STRAP: variants seen among roughly 807,000 people sequenced by gnomAD.
The protein encoded by STRAP is serine/threonine kinase receptor associated protein.
Under a neutral mutation model 47.0 loss-of-function variants are expected in STRAP, and 16 were observed. That is an observed-to-expected ratio of 0.34 (90% CI 0.23 to 0.52). The LOEUF (loss-of-function observed/expected upper bound fraction) is 0.52, where lower values mean the gene tolerates loss of function less well. Ranked by LOEUF, STRAP falls within the 20% of genes least tolerant of loss-of-function variation. The pLI, the probability that STRAP is intolerant of heterozygous loss-of-function variation, is 0.96. For synonymous variants in STRAP, 130 were observed against 142.7 expected (o/e 0.91, Z 0.63); for missense variants, 293 against 420.0 (o/e 0.70, Z 2.64).
Position 15,890,074 on chromosome 12 carries a change from A to G in STRAP, c.330+65A>G. On this transcript the variant is annotated intron_variant, in intron 3 of 9. Coordinates refer to ENST00000419869, the MANE Select transcript of STRAP (RefSeq NM_007178.4). The surrounding 1 kb of genome is among the most constrained non-coding windows in gnomAD (Gnocchi z 4.5). Reference sequence around the variant, plus strand: ...TGGTACATAGTGTGATAATGCTTTTATACTTGATTGGTGTGTATATTTGAT... The same window carrying G: ...TGGTACATAGTGTGATAATGCTTTTGTACTTGATTGGTGTGTATATTTGAT... 1 of 1,345,220 alleles carries G rather than the reference A, an allele frequency of 7.4e-7. No individual in the cohort carries two copies. Among genetic ancestry groups the G allele is most frequent in the Middle Eastern group, 1.8e-4 (1 of 5,488 alleles). 83.3% of individuals were successfully genotyped at this position (1,345,220 alleles called of 1,614,324 possible).
rs1360279324 is a variant in STRAP, at chr12:15,896,546, T to G, written c.638+1050T>G. On this transcript the variant is annotated intron_variant, in intron 6 of 9. Coordinates refer to ENST00000419869, the MANE Select transcript of STRAP (RefSeq NM_007178.4). The surrounding 1 kb of genome is among the most constrained non-coding windows in gnomAD (Gnocchi z 4.1). ...ATGTGGGTGTACAGTATTTGTGTTT[T>G]TTTTTTTAATTACTAGGACCATAAT... Among the ~76,000 whole-genome samples, 1 of 152,130 alleles carries G rather than the reference T, an allele frequency of 6.6e-6. No individual in the cohort carries two copies. The highest frequency in any genetic ancestry group is 1.5e-5 in the Non-Finnish European group (1 of 68,016).
In STRAP at chr12:15,903,041, A is replaced by C; in HGVS notation, c.*63A>C. On this transcript the variant is annotated 3_prime_UTR_variant, in exon 10 of 10. Transcript: ENST00000419869. Reference sequence around the variant, plus strand: ...AAACAAGCAAGCAGAGAAAAGCATCAGCCTTCCAGAGTTACTGTCTGCTTA... The same window carrying C: ...AAACAAGCAAGCAGAGAAAAGCATCCGCCTTCCAGAGTTACTGTCTGCTTA... 1 of 1,438,588 alleles carries C rather than the reference A, an allele frequency of 7.0e-7. No individual in the cohort carries two copies. Among genetic ancestry groups the C allele is most frequent in the Non-Finnish European group, 9.2e-7 (1 of 1,089,538 alleles). The allele number at this position is 1,438,588 out of a possible 1,614,324, so 89.1% of individuals were successfully genotyped here. A position where few individuals can be genotyped will look rare whatever the true frequency, so the allele number is the denominator to read the frequency against.
chr12:15,883,460 A>C, intron 1 of STRAP, 81 bp from the exon 2 acceptor site: 1 of 1,456,240 alleles, frequency 6.9e-7, no homozygotes, highest in Non-Finnish European at 9.3e-7. Context: ...GTCATTGAAC[A>C]TCATTGTATA....
At chr12:15,882,976 AGT>A (rs1483789711) in intron 1 of STRAP, 157 bp downstream of exon 1, 4 of 1,382,904 alleles carry the variant, frequency 2.9e-6, no homozygotes, top group Non-Finnish European at 4.0e-6. Flanking sequence ...TGGAGAAAGG[AGT>A]GTGTTAGGGA....
In STRAP at chr12:15,890,780, C is replaced by A; in HGVS notation, c.403+111C>A. 1 of 911,550 alleles carries A rather than the reference C, an allele frequency of 1.1e-6. No homozygotes were observed. The allele number at this position is 911,550 out of a possible 1,614,324, so 56.5% of individuals were successfully genotyped here. ...ATTTGGAAAATAAAGATAGTCATGG[C>A]CGGGCACGGTGGCTCATACCTGTAA... On this transcript the variant is annotated intron_variant, in intron 4 of 9. Coordinates refer to ENST00000419869, the MANE Select transcript of STRAP (RefSeq NM_007178.4). The surrounding 1 kb of genome is among the most constrained non-coding windows in gnomAD (Gnocchi z 4.5).
At chr12:15,900,823 G>A in intron 8 of STRAP, 124 bp from the exon 9 acceptor site, 1 of 650,202 alleles carries the variant, frequency 1.5e-6, no homozygotes. Flanking sequence ...AAAAGGAGTT[G>A]TTTTTATTAT....
intron 6 of STRAP, among the ~76,000 whole-genome samples, chr12:15,895,829 C>CTCCA (rs1261611924): frequency 7.0e-6 from 1 of 143,848 alleles, no homozygotes; most frequent in Non-Finnish European, 1.5e-5. Context: ...TGACACTGCA[C>CTCCA]TCCAGTCTGG....
chr12:15,882,756 G>C lies in STRAP; in HGVS notation c.49G>C (p.Val17Leu), dbSNP rs1474330710. The C allele has an allele frequency of 3.7e-6, 6 of 1,602,778 alleles. No individual in the cohort carries two copies. Among genetic ancestry groups the C allele is most frequent in the Non-Finnish European group, 5.1e-6 (6 of 1,173,950 alleles). Reference protein sequence around the residue: ...PLTCSGHTRPVVDLAFSGITP... With the variant: ...PLTCSGHTRPLVDLAFSGITP... ...CACCTGCTCTGGCCACACGCGACCCGTGGTTGATTTGGCCTTCAGTGGCAT... is the reference window on the plus strand; with the variant it reads ...CACCTGCTCTGGCCACACGCGACCCCTGGTTGATTTGGCCTTCAGTGGCAT... The change falls in exon 1 of 10, where the codon GTG becomes CTG. Residue 17 changes from valine (V) to leucine (L), a missense_variant. Val to Leu is a conservative substitution (Grantham distance 32). Transcript: ENST00000419869.
intron 2 of STRAP, among the ~76,000 whole-genome samples, chr12:15,885,432 G>A (rs1205529832): frequency 6.7e-6 from 1 of 150,078 alleles, no homozygotes; most frequent in Admixed American, 6.6e-5. Context: ...CAAGTGATCT[G>A]CCCGCCTTGG....
At chr12:15,892,952 G>A (rs769500946) in intron 4 of STRAP, among the ~76,000 whole-genome samples, 11 of 152,220 alleles carry the variant, frequency 7.2e-5, no homozygotes, top group Middle Eastern at 3.4e-3. Context: ...ATAAAATGAG[G>A]TTTTACTGTG....
intron 2 of STRAP, among the ~76,000 whole-genome samples, chr12:15,884,018 C>G (rs1947946597): frequency 6.6e-6 from 1 of 152,096 alleles, no homozygotes; most frequent in Non-Finnish European, 1.5e-5. Context: ...ATTGATGGCC[C>G]TAGGTTTTTA....
chr12:15,885,150 A>G (rs1947958491), intron 2 of STRAP, among the ~76,000 whole-genome samples: 1 of 148,058 alleles, frequency 6.8e-6, no homozygotes, highest in Non-Finnish European at 1.5e-5. Flanking sequence ...CAGATTTATT[A>G]GACTTAAGAG....
chr12:15,884,519 T>A (rs546711487), intron 2 of STRAP, among the ~76,000 whole-genome samples: 12 of 151,640 alleles, frequency 7.9e-5, no homozygotes, highest in African/African-American at 2.9e-4. Context: ...TTTTTTTTTT[T>A]TTACTTTTTT....
intron 9 of STRAP, among the ~76,000 whole-genome samples, chr12:15,902,713 A>G (rs1245100224): frequency 6.6e-6 from 1 of 152,134 alleles, no homozygotes; most frequent in Admixed American, 6.5e-5. Flanking sequence ...TGGATAAAAC[A>G]CATGAACTCT....
At position 15,903,127 on chromosome 12, in the gene STRAP, C is replaced by G; in HGVS notation, c.*149C>G. 2.5e-6 allele frequency: 2 copies of G among 811,864 alleles called. No homozygotes were observed. Among genetic ancestry groups the G allele is most frequent in the Non-Finnish European group, 3.5e-6 (2 of 569,012 alleles). The allele number at this position is 811,864 out of a possible 1,614,324, so 50.3% of individuals were successfully genotyped here. A position where few individuals can be genotyped will look rare whatever the true frequency, so the allele number is the denominator to read the frequency against. ...TTAGCTCCAGTGCTGGAACAACTAA[C>G]TAACTTGGTGTTACCTGTAAGTGAA... On this transcript the variant is annotated 3_prime_UTR_variant, in exon 10 of 10. Coordinates refer to ENST00000419869, the MANE Select transcript of STRAP (RefSeq NM_007178.4).
chr12:15,889,060 G>A (rs1261243954), intron 2 of STRAP, among the ~76,000 whole-genome samples: 7 of 151,952 alleles, frequency 4.6e-5, no homozygotes, highest in Non-Finnish European at 8.8e-5. Flanking sequence ...TCTTTTCCCT[G>A]TCTGCAAAGT....
In STRAP at chr12:15,899,944, A is replaced by T. The variant is rs553115575; in HGVS notation, c.816A>T (p.Arg272Ser). 6.2e-7 allele frequency: 1 copy of T among 1,613,476 alleles called. No homozygotes were observed. The highest frequency in any genetic ancestry group is 2.2e-5 in the East Asian group (1 of 44,822). Residue 272 changes from arginine (R) to serine (S), a missense_variant, in exon 8 of 10, where the codon AGA becomes AGT. By Grantham distance (110) the Arg-to-Ser change is moderately radical (BLOSUM62 -1). This residue lies in a region of STRAP where 26 missense variants were observed against 76.7 expected (regional missense o/e 0.34). Coordinates refer to ENST00000419869, the MANE Select transcript of STRAP (RefSeq NM_007178.4). Reference sequence around the variant, plus strand: ...ACTTTGGTCCTATTCACTGTGTGAGATTTAGTCCTGATGGAGAACTCTATG... The same window carrying T: ...ACTTTGGTCCTATTCACTGTGTGAGTTTTAGTCCTGATGGAGAACTCTATG... ...KGHFGPIHCVRFSPDGELYAS... is the reference protein window; with the variant it reads ...KGHFGPIHCVSFSPDGELYAS...
At chr12:15,895,613 A>G (rs1948053249) in intron 6 of STRAP, 117 bp downstream of exon 6, 1 of 1,120,578 alleles carries the variant, frequency 8.9e-7, no homozygotes, top group East Asian at 2.9e-5. Flanking sequence ...GTGGTGGCTT[A>G]TGCCTATAAT....
chr12:15,900,115 TC>T, intron 8 of STRAP, 62 bp downstream of exon 8: 1 of 1,482,738 alleles, frequency 6.7e-7, no homozygotes. Context: ...TCATTTTTAA[TC>T]ATTAATTTTA....
Sources: allele counts gnomAD v4.1 joint callset (sites outside exome capture counted in the v4.1 genomes callset), GRCh38; gene constraint gnomAD v4.1.1; regional missense constraint gnomAD v4.1.1; non-coding constraint Gnocchi (gnomAD v3.1); transcripts MANE v1.5; gene names NCBI Gene and HGNC (gene_info 2026-07-23, HGNC 2026-07-21).